The following CBLIF variants were observed in gnomAD, a reference collection of about 807,000 sequenced individuals.
The protein encoded by CBLIF is cobalamin binding intrinsic factor.
In CBLIF, 24 loss-of-function variants were observed where a neutral mutation model predicts 44.9. That is an observed-to-expected ratio of 0.53 (90% CI 0.39 to 0.75). The LOEUF (loss-of-function observed/expected upper bound fraction) is 0.75, where lower values mean the gene tolerates loss of function less well. Among genes scored for constraint, CBLIF ranks in the 30% least tolerant of loss-of-function variants. The probability of loss-of-function intolerance (pLI) is 0.00; values close to 1 mark genes in which losing one functional copy is unlikely to be tolerated. For synonymous variants in CBLIF, 183 were observed against 190.9 expected, an observed-to-expected ratio of 0.96 and a Z score of 0.34; for missense variants, 481 against 513.0, an observed-to-expected ratio of 0.94 and a Z score of 0.60.
At position 59,843,790 on chromosome 11, in the gene CBLIF, T is replaced by C. The variant is rs144515503; in HGVS notation, c.256+89A>G. Reference sequence around the variant, plus strand: ...AGTTTATTTACAGTCAGAGGCAGCATTGGGGTGGGAAGGACGCTGAGTTGG... The same window carrying C: ...AGTTTATTTACAGTCAGAGGCAGCACTGGGGTGGGAAGGACGCTGAGTTGG... On this transcript the variant is annotated intron_variant, in intron 2 of 8. Transcript: ENST00000257248. 888 of 948,668 alleles carry C rather than the reference T, an allele frequency of 9.4e-4. 15 individuals carry two copies. The East Asian group carries it at 0.015, about 16-fold the overall frequency. 58.8% of individuals were successfully genotyped at this position (948,668 alleles called of 1,614,324 possible). A position where few individuals can be genotyped will look rare whatever the true frequency, so the allele number is the denominator to read the frequency against.
At position 59,829,325 on chromosome 11, in the gene CBLIF, G is replaced by A; in HGVS notation, c.*159C>T. 1.5e-6 allele frequency: 1 copy of A among 646,896 alleles called. No individual in the cohort carries two copies. Among genetic ancestry groups the A allele is most frequent in the South Asian group, 1.6e-5 (1 of 61,746 alleles). The allele number at this position is 646,896 out of a possible 1,614,324, so 40.1% of individuals were successfully genotyped here. A position where few individuals can be genotyped will look rare whatever the true frequency, so the allele number is the denominator to read the frequency against. ...GAGTCATAGATGTTGAGACTCCAGTGAACTTTGCATTTTTATTCTACATAG... is the reference window on the plus strand; with the variant it reads ...GAGTCATAGATGTTGAGACTCCAGTAAACTTTGCATTTTTATTCTACATAG... On this transcript the variant is annotated 3_prime_UTR_variant, in exon 9 of 9. Transcript: ENST00000257248.
At position 59,831,737 on chromosome 11, in the gene CBLIF, T is replaced by C; in HGVS notation, c.1133A>G (p.Glu378Gly). ...CCAGTATGTCTTGTGATTAACATTT[T>C]CCGCGATATTGTTGATAGAAGAGAC... ...LVVSSINNIA[E>G]NVNHKTYWQF... The change falls in exon 8 of 9, where the codon GAA becomes GGA. Residue 378 changes from glutamate to glycine, a missense_variant. Transcript: ENST00000257248. 1 of 1,609,592 alleles carries C rather than the reference T, an allele frequency of 6.2e-7. No individual in the cohort carries two copies. Among genetic ancestry groups the C allele is most frequent in the Non-Finnish European group, 8.5e-7 (1 of 1,175,880 alleles).
chr11:59,844,985 C>G (rs940696666), intron 1 of CBLIF, among the ~76,000 whole-genome samples: 2 of 152,016 alleles, frequency 1.3e-5, no homozygotes, highest in Non-Finnish European at 2.9e-5. Flanking sequence ...GTAGCTGGGA[C>G]CACAGGTGCA....
chr11:59,838,198 T>A (rs1866478930), intron 5 of CBLIF, among the ~76,000 whole-genome samples: 1 of 152,202 alleles, frequency 6.6e-6, no homozygotes, highest in Non-Finnish European at 1.5e-5. Context: ...TGGGTTTCTG[T>A]TACTTGCAAA....
chr11:59,843,064 T>G lies in CBLIF; in HGVS notation c.334A>C (p.Ile112Leu), dbSNP rs756282016. 3 of 1,613,182 alleles carry G rather than the reference T, an allele frequency of 1.9e-6. No individual in the cohort carries two copies. In the Admixed American group the frequency reaches 5.0e-5, roughly 27 times the overall value. The change falls in exon 3 of 9, where the codon ATT becomes CTT. Residue 112 changes from isoleucine (I) to leucine (L), a missense_variant. Ile to Leu is a conservative substitution (Grantham distance 5). Transcript: ENST00000257248. ...CAGTTCTCCATTTGTCTTTGTAGAA[T>G]GGATACTTTATCCCCAGGGTCTCGG... ...SCRDPGDKVS[I>L]LQRQMENWAP...
At chr11:59,831,633 C>A (rs1447561811) in intron 8 of CBLIF, 45 bp downstream of exon 8, 2 of 835,368 alleles carry the variant, frequency 2.4e-6, no homozygotes, top group African/African-American at 1.7e-5. Context: ...AAGAATGTAG[C>A]CTTCAGACTA....
At chr11:59,844,384 C>T (rs1377174733) in intron 1 of CBLIF, among the ~76,000 whole-genome samples, 1 of 152,092 alleles carries the variant, frequency 6.6e-6, no homozygotes, top group African/African-American at 2.4e-5. Flanking sequence ...GTAATCCACC[C>T]TTCTTGGCCT....
At position 59,835,795 on chromosome 11, in the gene CBLIF, T is replaced by C; in HGVS notation, c.1073+13A>G. The C allele has an allele frequency of 6.3e-7, 1 of 1,580,944 alleles. No individual in the cohort carries two copies. The highest frequency in any genetic ancestry group is 8.7e-7 in the Non-Finnish European group (1 of 1,149,648). On this transcript the variant is annotated intron_variant, in intron 7 of 8. Transcript: ENST00000257248. ...GCCTTGAGAGAATGATGAATGACAT[T>C]TGTAATACTCACTTGAACATAGGAT...
At chr11:59,845,275 C>T (rs1866589946) in intron 1 of CBLIF, 100 bp downstream of exon 1, 2 of 1,574,622 alleles carry the variant, frequency 1.3e-6, no homozygotes, top group Non-Finnish European at 1.7e-6. Flanking sequence ...TTTGGAATTC[C>T]TATAGTGATT....
chr11:59,843,230 T>C (rs1208512888), intron 2 of CBLIF, 89 bp from the exon 3 acceptor site: 1 of 784,196 alleles, frequency 1.3e-6, no homozygotes, highest in African/African-American at 1.7e-5. Flanking sequence ...GCTTTTTATC[T>C]AGAGCATTTT....
intron 5 of CBLIF, among the ~76,000 whole-genome samples, chr11:59,839,573 T>G (rs1214637106): frequency 6.6e-6 from 1 of 152,148 alleles, no homozygotes; most frequent in Non-Finnish European, 1.5e-5. Flanking sequence ...ATCAGAATAT[T>G]TTAGATTAGG....
In CBLIF at chr11:59,835,826, C is replaced by T. The variant is rs771992791; in HGVS notation, c.1055G>A (p.Arg352His). 51 of 1,612,568 alleles carry T rather than the reference C, an allele frequency of 3.2e-5. No individual in the cohort carries two copies. Among genetic ancestry groups the T allele is most frequent in the Admixed American group, 1.5e-4 (9 of 59,998 alleles). Residue 352 changes from arginine (R) to histidine (H), a missense_variant, in exon 7 of 9, where the codon CGC becomes CAC. By Grantham distance (29) the Arg-to-His change is conservative. Transcript: ENST00000257248. ...VLLVVLEEAQ[R>H]KNPMFKFETT... ...TACTCACTTGAACATAGGATTTTTG[C>T]GCTGTGCTTCCTCTAGGACAACAAG... is the stretch of plus-strand genomic sequence containing the variant.
At chr11:59,833,477 A>AT (rs774214113) in intron 7 of CBLIF, among the ~76,000 whole-genome samples, 4 of 151,816 alleles carry the variant, frequency 2.6e-5, no homozygotes, top group Admixed American at 1.3e-4. Context: ...AGATCGCGCC[A>AT]TTGCATTCCA....
At chr11:59,836,673 A>G (rs146481782) in intron 6 of CBLIF, among the ~76,000 whole-genome samples, 37 of 152,284 alleles carry the variant, frequency 2.4e-4, no homozygotes, top group Non-Finnish European at 1.2e-4. Context: ...AAGCCTCCCA[A>G]ACAAAATCAA....
chr11:59,835,705 A>G (rs1211227496), intron 7 of CBLIF, 103 bp downstream of exon 7: 2 of 907,126 alleles, frequency 2.2e-6, no homozygotes, highest in Non-Finnish European at 3.7e-6. Flanking sequence ...ATTAAATAAA[A>G]ATCTGTTATC....
rs1195429760 is a variant in CBLIF at position 59,836,002 on chromosome 11, C to T, written c.879G>A (p.Glu293=). 3 of 1,613,774 alleles carry T rather than the reference C, an allele frequency of 1.9e-6. No individual in the cohort carries two copies. Among genetic ancestry groups the T allele is most frequent in the South Asian group, 2.2e-5 (2 of 91,078 alleles). The part of the protein sequence containing the change: ...VPQVTCSPDH[E]VQPTLPSNPG... ...GGTTGCTGGGTAGAGTTGGTTGTAC[C>T]TCATGATCTGTGAAGGGCAAAGAGG... The change falls in exon 7 of 9, where the codon GAG becomes GAA. Residue 293 remains glutamate, a synonymous_variant. Coordinates refer to ENST00000257248, the MANE Select transcript of CBLIF (RefSeq NM_005142.3).
rs1022967971 is a variant in CBLIF at position 59,833,656 on chromosome 11, C to T, written c.1074-1860G>A. On this transcript the variant is annotated intron_variant, in intron 7 of 8. Coordinates refer to ENST00000257248, the MANE Select transcript of CBLIF (RefSeq NM_005142.3). Reference sequence around the variant, plus strand: ...CAGAACCGGGTGGAATAGATACCCACGTGGTATCACTCAGTTGTCAATTCC... The same window carrying T: ...CAGAACCGGGTGGAATAGATACCCATGTGGTATCACTCAGTTGTCAATTCC... 1.2e-4 allele frequency among the ~76,000 whole-genome samples: 19 copies of T among 152,276 alleles called. No homozygotes were observed. In the South Asian group the frequency reaches 2.3e-3, roughly 18 times the overall value.
At position 59,845,483 on chromosome 11, in the gene CBLIF, C is replaced by T. The variant is rs1305670127; in HGVS notation, c.-30G>A. The T allele has an allele frequency of 1.4e-6, 2 of 1,393,730 alleles. No individual in the cohort carries two copies. Among genetic ancestry groups the T allele is most frequent in the South Asian group, 1.2e-5 (1 of 86,774 alleles). The allele number at this position is 1,393,730 out of a possible 1,614,324, so 86.3% of individuals were successfully genotyped here. A position where few individuals can be genotyped will look rare whatever the true frequency, so the allele number is the denominator to read the frequency against. The stretch of plus-strand genomic sequence containing the variant: ...CTCTCTCGTCTATGTCTCTCATCCA[C>T]AGGTACCGCGATTTGCAAGTGGAAT... On this transcript the variant is annotated 5_prime_UTR_variant, in exon 1 of 9. In the 5' UTR this introduces an upstream ATG that the reference lacks. Transcript: ENST00000257248.
chr11:59,841,394 G>T, intron 4 of CBLIF, 70 bp from the exon 5 acceptor site: 1 of 1,058,344 alleles, frequency 9.4e-7, no homozygotes, highest in Non-Finnish European at 1.5e-6. Context: ...AACATTTATT[G>T]TGTGCTTATT....
Sources: gnomAD v4.1 joint callset for allele counts (sites outside exome capture counted in the v4.1 genomes callset) on GRCh38, gnomAD v4.1.1 for gene constraint, MANE v1.5 for transcripts, NCBI Gene and HGNC (gene_info 2026-07-23, HGNC 2026-07-21) for gene names.